Variants in DBP observed in about 807,000 individuals in gnomAD.
The protein encoded by DBP is D-box binding PAR bZIP transcription factor.
Under a neutral mutation model 21.4 loss-of-function variants are expected in DBP, and 12 were observed. That is an observed-to-expected ratio of 0.56 (90% confidence interval 0.36 to 0.91). The LOEUF is 0.91. DBP is among the 40% of genes least tolerant of loss of function. The pLI, the probability that DBP is intolerant of heterozygous loss-of-function variation, is 0.01. For missense variants in DBP, 423 were observed against 473.4 expected (o/e 0.89, Z 0.99); for synonymous variants, 213 against 224.9 (o/e 0.95, Z 0.47).
chr19:48,635,330 C>G (rs1322003034), intron 2 of DBP: 3 of 1,295,202 alleles, frequency 2.3e-6, no homozygotes, highest in East Asian at 9.0e-5. Context: ...ACAGAAAAAC[C>G]CACAAAATCT....
chr19:48,632,348 G>C (rs1219250309), intron 3 of DBP: 1 of 152,056 alleles, frequency 6.6e-6, no homozygotes, highest in African/African-American at 2.4e-5. Context: ...ATGTTGGCCA[G>C]GATGGTCTCC....
intron 2 of DBP, chr19:48,635,370 T>C: frequency 7.2e-7 from 1 of 1,384,834 alleles, no homozygotes; most frequent in Admixed American, 2.9e-5. Flanking sequence ...AATTTAGGGT[T>C]CCAAGTCTCT....
At chr19:48,636,031 G>C in intron 1 of DBP, 41 bp from the exon 2 acceptor site, 1 of 1,466,168 alleles carries the variant, frequency 6.8e-7, no homozygotes. Context: ...GGGTGAGGTG[G>C]GGGAGATAGA....
In DBP at chr19:48,633,589, T is replaced by A; in HGVS notation, c.617A>T (p.Glu206Val). 1.2e-6 allele frequency: 2 copies of A among 1,614,176 alleles called. 1 individual carries two copies. The highest frequency in any genetic ancestry group is 2.2e-5 in the South Asian group (2 of 91,090). ...PDTVEVLMTF[E>V]PDPADLALSS... Reference sequence around the variant, plus strand: ...TAGGGCAAGATCAGCTGGGTCGGGTTCAAAGGTCATCAACACCTCCACGGT... The same window carrying A: ...TAGGGCAAGATCAGCTGGGTCGGGTACAAAGGTCATCAACACCTCCACGGT... The change falls in exon 3 of 4, where the codon GAA (glutamate) becomes GTA (valine). Residue 206 changes from glutamate to valine, a missense_variant. Coordinates refer to ENST00000222122, the MANE Select transcript of DBP (RefSeq NM_001352.5).
intron 3 of DBP, 133 bp downstream of exon 3, chr19:48,633,290 CGTGGCCAAGGAGGACTAATCT>C (rs2030664029): frequency 2.5e-6 from 2 of 792,350 alleles, no homozygotes; most frequent in African/African-American, 3.4e-5. Context: ...CCTTGTGCCC[CGTGGCCAAGGAGGACTAATCT>C]GTGGCTGCAG....
rs1252394137 is a variant in DBP, at chr19:48,630,408, CCTT to C, written c.*426_*428del. Reference sequence around the variant, plus strand: ...AGGCAGTCGCTTCATTCCTCTCAGACCTTCTGCCCTTCCTCCATCCGACAGCCC... The same window carrying C: ...AGGCAGTCGCTTCATTCCTCTCAGACCTGCCCTTCCTCCATCCGACAGCCC... On this transcript the variant is annotated 3_prime_UTR_variant, in exon 4 of 4. Coordinates refer to ENST00000222122, the MANE Select transcript of DBP (RefSeq NM_001352.5). This position sits in a 1 kb window ranked among gnomAD's most constrained non-coding sequence, Gnocchi z 4.9. 2.8e-6 allele frequency: 4 copies of C among 1,410,250 alleles called. No individual in the cohort carries two copies. Among genetic ancestry groups the C allele is most frequent in the East Asian group, 2.7e-5 (1 of 37,714 alleles). 87.4% of individuals were successfully genotyped at this position (1,410,250 alleles called of 1,614,324 possible). A position where few individuals can be genotyped will look rare whatever the true frequency, so the allele number is the denominator to read the frequency against.
intron 2 of DBP, 77 bp downstream of exon 2, chr19:48,635,503 C>A: frequency 6.8e-7 from 1 of 1,477,562 alleles, no homozygotes; most frequent in Non-Finnish European, 9.0e-7. Flanking sequence ...ACGGTCCCAG[C>A]CCCCAGCGTC....
rs1364165803 is a variant in DBP, at chr19:48,630,607, G to A, written c.*230C>T. On this transcript the variant is annotated 3_prime_UTR_variant, in exon 4 of 4. Coordinates refer to ENST00000222122, the MANE Select transcript of DBP (RefSeq NM_001352.5). The surrounding 1 kb of genome is among the most constrained non-coding windows in gnomAD (Gnocchi z 4.9). The stretch of plus-strand genomic sequence containing the variant: ...CAGGATCGTGTTAACGGAGGCGGTG[G>A]GAGGATAGGGTCCCTGACGTGCCGG... 6.5e-7 allele frequency: 1 copy of A among 1,527,066 alleles called. No individual in the cohort carries two copies. Among genetic ancestry groups the A allele is most frequent in the Admixed American group, 2.0e-5 (1 of 49,558 alleles). The allele number at this position is 1,527,066 out of a possible 1,614,324, so 94.6% of individuals were successfully genotyped here.
Position 48,633,508 on chromosome 19 carries a change from T to G in DBP, c.698A>C (p.Glu233Ala). The G allele has an allele frequency of 6.2e-7, 1 of 1,614,210 alleles. No homozygotes were observed. ...CATGATTGGCTGGGGCTTAAGTTCCTCTTCTGAGAAGCGATGTCTTCGAGG... is the reference window on the plus strand; with the variant it reads ...CATGATTGGCTGGGGCTTAAGTTCCGCTTCTGAGAAGCGATGTCTTCGAGG... The part of the protein sequence containing the change: ...FDPRRHRFSE[E>A]ELKPQPIMKK... Residue 233 changes from glutamate to alanine, a missense_variant, in exon 3 of 4, where the codon GAG becomes GCG. By Grantham distance (107) the Glu-to-Ala change is moderately radical. Coordinates refer to ENST00000222122, the MANE Select transcript of DBP (RefSeq NM_001352.5).
rs770267761 is a variant in DBP at position 48,631,082 on chromosome 19, G to A, written c.763-30C>T. On this transcript the variant is annotated intron_variant, in intron 3 of 3. Transcript: ENST00000222122. ...AGGAGAAGAGGGGGAGAGCACTGAG[G>A]TCCAGAGGGACCCAGGTCCCAGCGA... 2.5e-6 allele frequency: 4 copies of A among 1,591,386 alleles called. No individual in the cohort carries two copies. The East Asian group carries it at 6.8e-5, about 27-fold the overall frequency.
Position 48,633,630 on chromosome 19 carries a change from G to T in DBP, c.576C>A (p.Ser192Arg). 6.2e-7 allele frequency: 1 copy of T among 1,614,102 alleles called. No individual in the cohort carries two copies. ...RAGLTSRDTP[S>R]PVDPDTVEVL... ...CCTCCACGGTGTCTGGGTCCACAGG[G>T]CTGGGTGTGTCCCGAGAGGTCAGGC... Residue 192 changes from serine (S) to arginine (R), a missense_variant, in exon 3 of 4, where the codon AGC (serine) becomes AGA (arginine). By Grantham distance (110) the Ser-to-Arg change is moderately radical. Transcript: ENST00000222122.
intron 3 of DBP, 81 bp from the exon 4 acceptor site, chr19:48,631,133 G>C: frequency 7.9e-7 from 1 of 1,268,922 alleles, no homozygotes; most frequent in Non-Finnish European, 1.1e-6. Flanking sequence ...CCAGCAGCGG[G>C]GCCTAAACCA....
intron 2 of DBP, chr19:48,635,351 G>A: frequency 3.0e-6 from 4 of 1,330,126 alleles, no homozygotes; most frequent in Non-Finnish European, 3.9e-6. Flanking sequence ...CATTGGGCAG[G>A]CTTCCTGGAA....
At chr19:48,634,997 G>A in intron 2 of DBP, 1 of 985,994 alleles carries the variant, frequency 1.0e-6, no homozygotes, top group Non-Finnish European at 1.2e-6. Flanking sequence ...AGGAAGCTTG[G>A]CCCCAGCCCC....
In DBP at chr19:48,633,424, C is replaced by T; in HGVS notation, c.762+20G>A. 1 of 1,613,064 alleles carries T rather than the reference C, an allele frequency of 6.2e-7. No homozygotes were observed. Among genetic ancestry groups the T allele is most frequent in the Non-Finnish European group, 8.5e-7 (1 of 1,179,078 alleles). On this transcript the variant is annotated intron_variant, in intron 3 of 3. Coordinates refer to ENST00000222122, the MANE Select transcript of DBP (RefSeq NM_001352.5). ...GCATGTCTCCAGCCAAGTCTATCTC[C>T]CACATCCAGCTCTGCTCACCTTCTG...
Position 48,635,843 on chromosome 19 carries a change from G to A in DBP, c.287C>T (p.Ala96Val). 2.1e-6 allele frequency: 3 copies of A among 1,404,576 alleles called. No homozygotes were observed. The highest frequency in any genetic ancestry group is 1.5e-5 in the South Asian group (1 of 65,062). The allele number at this position is 1,404,576 out of a possible 1,614,324, so 87.0% of individuals were successfully genotyped here. ...SPRGRPGPVP[A>V]PGLLAPLLWE... is the part of the protein sequence containing the mutation. ...CAGCAGTGGCGCCAACAGACCCGGG[G>A]CGGGCACCGGCCCCGGGCGCCCCCG... is the stretch of plus-strand genomic sequence containing the variant. Residue 96 changes from alanine (A) to valine (V), a missense_variant, in exon 2 of 4, where the codon GCC becomes GTC. Around this residue, in one of 4 missense-constraint regions of DBP, gnomAD observed 283 missense variants for 273.7 expected, o/e 1.03. Transcript: ENST00000222122.
rs369164659 is a variant in DBP, at chr19:48,630,825, T to C, written c.*12A>G. 8.5e-5 allele frequency: 133 copies of C among 1,573,768 alleles called. No individual in the cohort carries two copies. The African/African-American group carries it at 1.6e-3, about 18-fold the overall frequency. ...GGAGGAGAGCTCCGCCAGGTGGGGA[T>C]GTGGGGCAGCCTCACAGGGCCCCGT... is the stretch of plus-strand genomic sequence containing the variant. On this transcript the variant is annotated 3_prime_UTR_variant, in exon 4 of 4. Coordinates refer to ENST00000222122, the MANE Select transcript of DBP (RefSeq NM_001352.5). This position sits in a 1 kb window ranked among gnomAD's most constrained non-coding sequence, Gnocchi z 4.9.
Position 48,630,833 on chromosome 19 carries a change from A to G in DBP, c.*4T>C. On this transcript the variant is annotated 3_prime_UTR_variant, in exon 4 of 4. Coordinates refer to ENST00000222122, the MANE Select transcript of DBP (RefSeq NM_001352.5). This position sits in a 1 kb window ranked among gnomAD's most constrained non-coding sequence, Gnocchi z 4.9. Reference sequence around the variant, plus strand: ...GCTCCGCCAGGTGGGGATGTGGGGCAGCCTCACAGGGCCCCGTGCTGGGCC... The same window carrying G: ...GCTCCGCCAGGTGGGGATGTGGGGCGGCCTCACAGGGCCCCGTGCTGGGCC... 6.3e-7 allele frequency: 1 copy of G among 1,581,112 alleles called. No homozygotes were observed. The highest frequency in any genetic ancestry group is 8.6e-7 in the Non-Finnish European group (1 of 1,161,576).
Position 48,637,025 on chromosome 19 carries a change from T to G in DBP, c.-31A>C, listed in dbSNP as rs546355807. 351 of 1,461,194 alleles carry G rather than the reference T, an allele frequency of 2.4e-4. 3 individuals are homozygous for G. In the South Asian group the frequency reaches 4.2e-3, roughly 18 times the overall value. 90.5% of individuals were successfully genotyped at this position (1,461,194 alleles called of 1,614,324 possible). On this transcript the variant is annotated 5_prime_UTR_variant, in exon 1 of 4. Transcript: ENST00000222122. ...GGCACCTGCCCCCAGGCTCACGGGT[T>G]CATGGAGAGGCGAAGGGCTGGCCTG...
Sources: gnomAD v4.1 joint callset for allele counts on GRCh38, gnomAD v4.1.1 for gene constraint, gnomAD v4.1.1 regional missense constraint, Gnocchi (gnomAD v3.1) non-coding constraint, MANE v1.5 for transcripts, NCBI Gene and HGNC (gene_info 2026-07-23, HGNC 2026-07-21) for gene names.